Variants in APBA1 observed in about 807,000 individuals in gnomAD.
The protein encoded by APBA1 is amyloid-beta A4 precursor protein-binding family A member 1.
APBA1 carries 55 observed loss-of-function variants against 86.6 expected under a neutral mutation model. The ratio of observed to expected loss-of-function variants is 0.64; its 90% CI spans 0.51 to 0.80. The LOEUF (loss-of-function observed/expected upper bound fraction) is 0.80. Ranked by LOEUF, APBA1 falls within the 30% of genes least tolerant of loss-of-function variation. The pLI, the probability that APBA1 is intolerant of heterozygous loss-of-function variation, is 0.00. For synonymous variants in APBA1, 511 were observed against 493.9 expected (o/e 1.03, Z -0.46); for missense variants, 1,090 against 1,183.0 (o/e 0.92, Z 1.15).
intron 1 of APBA1, among the ~76,000 whole-genome samples, chr9:69,593,917 T>C (rs1038632047): frequency 4.6e-5 from 7 of 152,246 alleles, no homozygotes; most frequent in Non-Finnish European, 1.0e-4. Flanking sequence ...TGACCTTGAT[T>C]ACTCAACTTT....
chr9:69,604,717 G>A (rs1822433862), intron 1 of APBA1, among the ~76,000 whole-genome samples: 2 of 131,512 alleles, frequency 1.5e-5, no homozygotes, highest in African/African-American at 6.6e-5. Flanking sequence ...GGTAAGTGGA[G>A]AGGCACACGA....
At chr9:69,475,937 C>G in intron 3 of APBA1, 111 bp downstream of exon 3, 1 of 838,736 alleles carries the variant, frequency 1.2e-6, no homozygotes, top group Non-Finnish European at 2.0e-6. Flanking sequence ...ATTGTTCTCA[C>G]CAGGGTAATG....
At chr9:69,589,491 A>AGGGATGT (rs1822087042) in intron 1 of APBA1, among the ~76,000 whole-genome samples, 1 of 152,152 alleles carries the variant, frequency 6.6e-6, no homozygotes, top group South Asian at 2.1e-4. Context: ...CACTATACAG[A>AGGGATGT]GGGATGTGTG....
At chr9:69,464,643 T>A (rs1835246989) in intron 5 of APBA1, 1 of 152,212 alleles carries the variant, frequency 6.6e-6, no homozygotes, top group African/African-American at 2.4e-5. Flanking sequence ...GCAGCTGGAC[T>A]TTAAAGAAGG....
At chr9:69,538,338 T>A (rs780555002) in intron 1 of APBA1, among the ~76,000 whole-genome samples, 6 of 152,258 alleles carry the variant, frequency 3.9e-5, no homozygotes, top group Non-Finnish European at 7.3e-5. Flanking sequence ...TCTTTAAACA[T>A]CTTGGTGATA....
At chr9:69,653,357 T>C (rs1320775017) in intron 1 of APBA1, among the ~76,000 whole-genome samples, 2 of 152,252 alleles carry the variant, frequency 1.3e-5, no homozygotes, top group Non-Finnish European at 2.9e-5. Flanking sequence ...AATACAATAA[T>C]AGCAGAAGAG....
At chr9:69,466,657 T>A (rs1835285072) in intron 5 of APBA1, among the ~76,000 whole-genome samples, 1 of 152,176 alleles carries the variant, frequency 6.6e-6, no homozygotes, top group Admixed American at 6.5e-5. Flanking sequence ...CTGTTTTTCC[T>A]CCCTGCCAAG....
At chr9:69,564,860 T>A (rs1174495541) in intron 1 of APBA1, among the ~76,000 whole-genome samples, 4 of 152,184 alleles carry the variant, frequency 2.6e-5, no homozygotes, top group African/African-American at 9.6e-5. Context: ...AAGCAGATAC[T>A]TGTATATCAG....
At chr9:69,574,429 T>G (rs1821737885) in intron 1 of APBA1, among the ~76,000 whole-genome samples, 1 of 152,150 alleles carries the variant, frequency 6.6e-6, no homozygotes, top group Non-Finnish European at 1.5e-5. Flanking sequence ...GCTGAAAATT[T>G]TGGTCAGCAG....
chr9:69,532,082 G>A (rs1251882433), intron 1 of APBA1, among the ~76,000 whole-genome samples: 1 of 142,918 alleles, frequency 7.0e-6, no homozygotes, highest in Admixed American at 7.1e-5. Context: ...TGGACTTCAG[G>A]TGATAATGGT....
rs1164309911 is a variant in APBA1, at chr9:69,636,922, GGAAA to G, written c.-70+35227_-70+35230del. On this transcript the variant is annotated intron_variant, in intron 1 of 12. Coordinates refer to ENST00000265381, the MANE Select transcript of APBA1 (RefSeq NM_001163.4). ...AGGAAGGAAGGAAGGAAGGAAGGAA[GGAAA>G]GAAAGAAAGAAAGAAAGAAAGAAAG... 6.6e-3 allele frequency among the ~76,000 whole-genome samples: 420 copies of G among 63,900 alleles called. 7 individuals are homozygous for G. The highest frequency in any genetic ancestry group is 0.015 in the African/African-American group (225 of 14,868). The allele number at this position is 63,900 out of a possible 152,430, so 41.9% of individuals were successfully genotyped here.
chr9:69,567,224 A>G (rs1837041126), intron 1 of APBA1, among the ~76,000 whole-genome samples: 1 of 152,182 alleles, frequency 6.6e-6, no homozygotes, highest in Admixed American at 6.5e-5. Context: ...AGCTCCTGAA[A>G]GATGGGCAGA....
chr9:69,567,130 T>G (rs954382816), intron 1 of APBA1, among the ~76,000 whole-genome samples: 1 of 152,228 alleles, frequency 6.6e-6, no homozygotes, highest in African/African-American at 2.4e-5. Flanking sequence ...GCATTATATA[T>G]TCATTCAACA....
chr9:69,452,175 C>A lies in APBA1; in HGVS notation c.1915G>T (p.Asp639Tyr). 1 of 1,614,224 alleles carries A rather than the reference C, an allele frequency of 6.2e-7. No individual in the cohort carries two copies. The highest frequency in any genetic ancestry group is 8.5e-7 in the Non-Finnish European group (1 of 1,180,032). Residue 639 changes from aspartate (D) to tyrosine (Y), a missense_variant, in exon 9 of 13, where the codon GAC (aspartate) becomes TAC (tyrosine). Asp to Tyr is a radical substitution (Grantham distance 160, BLOSUM62 -3). This residue lies in a region of APBA1 where 97 missense variants were observed against 166.8 expected (regional missense o/e 0.58). Coordinates refer to ENST00000265381, the MANE Select transcript of APBA1 (RefSeq NM_001163.4). Reference sequence around the variant, plus strand: ...TGGATCAGGTCATCGTTGTACATGTCCTGGGTATTGAGCAGGTCACTATAC... The same window carrying A: ...TGGATCAGGTCATCGTTGTACATGTACTGGGTATTGAGCAGGTCACTATAC... ...KEYSDLLNTQ[D>Y]MYNDDLIHFS...
At chr9:69,602,332 G>A (rs1822367365) in intron 1 of APBA1, among the ~76,000 whole-genome samples, 1 of 152,122 alleles carries the variant, frequency 6.6e-6, no homozygotes, top group Non-Finnish European at 1.5e-5. Context: ...AGCACTTTGG[G>A]AGGACGAGGC....
At chr9:69,638,246 T>C (rs987458506) in intron 1 of APBA1, among the ~76,000 whole-genome samples, 2 of 152,204 alleles carry the variant, frequency 1.3e-5, no homozygotes, top group Admixed American at 1.3e-4. Context: ...GTTTTTGTTT[T>C]TGTTTTTGTT....
rs76509967 is a variant in APBA1, at chr9:69,538,933, A to G, written c.-69-21654T>C. ...GGTCACCAGTGAGTTCCATATTGCA[A>G]TATCTTGTAGTCATTTTACTTAACT... is the stretch of plus-strand genomic sequence containing the variant. On this transcript the variant is annotated intron_variant, in intron 1 of 12. Coordinates refer to ENST00000265381, the MANE Select transcript of APBA1 (RefSeq NM_001163.4). 4.3e-3 allele frequency among the ~76,000 whole-genome samples: 653 copies of G among 152,254 alleles called. 2 individuals carry two copies. Among genetic ancestry groups the G allele is most frequent in the African/African-American group, 0.015 (625 of 41,538 alleles).
chr9:69,440,006 G>A (rs1370527780), intron 11 of APBA1, among the ~76,000 whole-genome samples: 4 of 152,164 alleles, frequency 2.6e-5, no homozygotes, highest in African/African-American at 9.7e-5. Flanking sequence ...CTAACAGTCA[G>A]GACCCTCAGC....
In APBA1 at chr9:69,441,038, T is replaced by A. The variant is rs371948061; in HGVS notation, c.2259A>T (p.Pro753=). The A allele has an allele frequency of 3.1e-6, 5 of 1,614,150 alleles. No homozygotes were observed. Among genetic ancestry groups the A allele is most frequent in the Non-Finnish European group, 4.2e-6 (5 of 1,180,022 alleles). Residue 753 remains proline (P), a synonymous_variant, in exon 11 of 13, where the codon CCA becomes CCT. Coordinates refer to ENST00000265381, the MANE Select transcript of APBA1 (RefSeq NM_001163.4). ...PPVTTVLIRR[P]DLRYQLGFSV... ...TGAAACCGAGCTGGTAGCGAAGGTC[T>A]GGTCTTCTGATTAACACGGTGGTCA... is the stretch of plus-strand genomic sequence containing the variant.
Sources: allele counts gnomAD v4.1 joint callset (sites outside exome capture counted in the v4.1 genomes callset), GRCh38; gene constraint gnomAD v4.1.1; regional missense constraint gnomAD v4.1.1; transcripts MANE v1.5; gene names NCBI Gene and HGNC (gene_info 2026-07-23, HGNC 2026-07-21).